Variants in ZFAND3 observed in about 807,000 individuals in gnomAD.
ZFAND3 encodes the protein AN1-type zinc finger protein 3.
A neutral mutation model predicts 29.6 loss-of-function variants in ZFAND3; 10 were observed. That is an observed-to-expected ratio of 0.34 (90% CI 0.21 to 0.57). The LOEUF is 0.57. ZFAND3 is among the 20% of genes least tolerant of loss of function. The pLI is 0.86. For synonymous variants in ZFAND3, 128 were observed against 112.6 expected (o/e 1.14, Z -0.87); for missense variants, 230 against 304.5 (o/e 0.76, Z 1.82).
At chr6:38,012,486 C>A (rs771946637) in intron 2 of ZFAND3, among the ~76,000 whole-genome samples, 3 of 149,466 alleles carry the variant, frequency 2.0e-5, no homozygotes, top group Non-Finnish European at 4.4e-5. Context: ...TCAAGGGATT[C>A]TTCTGCCTCA....
At chr6:38,108,387 C>G (rs762196461) in intron 4 of ZFAND3, among the ~76,000 whole-genome samples, 1 of 152,034 alleles carries the variant, frequency 6.6e-6, no homozygotes, top group African/African-American at 2.4e-5. Flanking sequence ...ATAAGCCTTC[C>G]GTAAGCTGGG....
chr6:38,021,863 C>T (rs1165003389), intron 2 of ZFAND3, among the ~76,000 whole-genome samples: 1 of 152,132 alleles, frequency 6.6e-6, no homozygotes, highest in Non-Finnish European at 1.5e-5. Context: ...GTGGCACCAG[C>T]ACCACTGTGT....
chr6:38,094,859 A>G (rs1346510970), intron 4 of ZFAND3, among the ~76,000 whole-genome samples: 3 of 152,284 alleles, frequency 2.0e-5, no homozygotes, highest in Non-Finnish European at 4.4e-5. Context: ...ATTTTTTAAT[A>G]TTTGCATTAT....
In ZFAND3 at chr6:38,115,169, A is replaced by G. The variant is rs564352040; in HGVS notation, c.362-1403A>G. Among the ~76,000 whole-genome samples the G allele has an allele frequency of 1.3e-4, 20 of 152,340 alleles. No homozygotes were observed. The South Asian group carries it at 1.9e-3, about 14-fold the overall frequency. ...AGGGCTGGGGGACTGTGAGCAAACT[A>G]CCATCATCACCATCAGGGGCCTGGG... On this transcript the variant is annotated intron_variant, in intron 4 of 5. Coordinates refer to ENST00000287218, the MANE Select transcript of ZFAND3 (RefSeq NM_021943.3).
In ZFAND3 at chr6:38,116,842, C is replaced by G. The variant is rs946375879; in HGVS notation, c.529+103C>G. ...AAGTCTTTCGTTCTTCTTCTGAGTACTGTAAGTTTGCTACAGTAGTGCATG... is the reference window on the plus strand; with the variant it reads ...AAGTCTTTCGTTCTTCTTCTGAGTAGTGTAAGTTTGCTACAGTAGTGCATG... On this transcript the variant is annotated intron_variant, in intron 5 of 5. Transcript: ENST00000287218. 7 of 1,447,378 alleles carry G rather than the reference C, an allele frequency of 4.8e-6. No individual in the cohort carries two copies. The East Asian group carries it at 1.4e-4, about 29-fold the overall frequency. The allele number at this position is 1,447,378 out of a possible 1,614,324, so 89.7% of individuals were successfully genotyped here.
chr6:38,055,017 G>A (rs1734110455), intron 2 of ZFAND3, among the ~76,000 whole-genome samples: 1 of 152,220 alleles, frequency 6.6e-6, no homozygotes, highest in Admixed American at 6.5e-5. Context: ...ATGAACGGAA[G>A]CTGTAGCCTA....
chr6:37,955,806 G>C (rs541295854), intron 2 of ZFAND3, among the ~76,000 whole-genome samples: 2 of 152,302 alleles, frequency 1.3e-5, no homozygotes, highest in Admixed American at 1.3e-4. Flanking sequence ...GCAGTAGTAT[G>C]GGAATAGGAG....
At chr6:38,004,828 A>G (rs1345287194) in intron 2 of ZFAND3, among the ~76,000 whole-genome samples, 1 of 152,216 alleles carries the variant, frequency 6.6e-6, no homozygotes, top group Non-Finnish European at 1.5e-5. Flanking sequence ...ATGTCTGGCT[A>G]TAACACAGAT....
At chr6:37,854,719 CTT>C (rs1246024666) in intron 1 of ZFAND3, among the ~76,000 whole-genome samples, 2 of 149,924 alleles carry the variant, frequency 1.3e-5, no homozygotes, top group African/African-American at 2.5e-5. Context: ...AGAACTCTCT[CTT>C]AACTGTATTA....
intron 2 of ZFAND3, among the ~76,000 whole-genome samples, chr6:38,024,988 A>T (rs1763421183): frequency 6.6e-6 from 1 of 152,222 alleles, no homozygotes; most frequent in Admixed American, 6.5e-5. Context: ...GAAAATACAT[A>T]TGTATTGTTC....
intron 2 of ZFAND3, among the ~76,000 whole-genome samples, chr6:38,043,150 G>A (rs140122462): frequency 1.3e-5 from 2 of 152,110 alleles, no homozygotes; most frequent in South Asian, 2.1e-4. Context: ...ACTGTGTGTA[G>A]TGCATGCTGA....
chr6:38,043,791 TGCTC>T (rs1270140319), intron 2 of ZFAND3, among the ~76,000 whole-genome samples: 2 of 149,096 alleles, frequency 1.3e-5, no homozygotes, highest in Admixed American at 6.7e-5. Flanking sequence ...CTTGCTTGCT[TGCTC>T]GCTTGCTTAT....
chr6:37,897,046 TATA>T (rs1303555656), intron 1 of ZFAND3, among the ~76,000 whole-genome samples: 2 of 152,324 alleles, frequency 1.3e-5, no homozygotes, highest in South Asian at 2.1e-4. Context: ...ATGACTTACA[TATA>T]ATAACAAGTA....
chr6:38,152,490 A>G lies in ZFAND3; in HGVS notation c.*101A>G. On this transcript the variant is annotated 3_prime_UTR_variant, in exon 6 of 6. Coordinates refer to ENST00000287218, the MANE Select transcript of ZFAND3 (RefSeq NM_021943.3). Reference sequence around the variant, plus strand: ...ACACCTTGTACTGGGCACGCGTCAGACTGCAGCCAGTCCGTTTCCTTTCTT... The same window carrying G: ...ACACCTTGTACTGGGCACGCGTCAGGCTGCAGCCAGTCCGTTTCCTTTCTT... 7.2e-7 allele frequency: 1 copy of G among 1,389,344 alleles called. No homozygotes were observed. Among genetic ancestry groups the G allele is most frequent in the Non-Finnish European group, 9.3e-7 (1 of 1,070,232 alleles). The allele number at this position is 1,389,344 out of a possible 1,614,324, so 86.1% of individuals were successfully genotyped here. A position where few individuals can be genotyped will look rare whatever the true frequency, so the allele number is the denominator to read the frequency against.
chr6:37,854,800 C>A (rs1764347675), intron 1 of ZFAND3, among the ~76,000 whole-genome samples: 1 of 131,218 alleles, frequency 7.6e-6, no homozygotes, highest in African/African-American at 2.8e-5. Context: ...AGTAGGCTGA[C>A]CTGAAATTGA....
intron 2 of ZFAND3, among the ~76,000 whole-genome samples, chr6:37,976,324 G>C (rs1294932109): frequency 6.6e-6 from 1 of 152,098 alleles, no homozygotes; most frequent in African/African-American, 2.4e-5. Flanking sequence ...GCTCATGCCT[G>C]TATTCCCAGC....
At chr6:37,983,208 A>T (rs76730719) in intron 2 of ZFAND3, among the ~76,000 whole-genome samples, 2 of 152,090 alleles carry the variant, frequency 1.3e-5, no homozygotes, top group South Asian at 4.1e-4. Context: ...TTGGTGTACC[A>T]TGTGTACCGT....
chr6:37,838,979 G>T (rs1274974983), intron 1 of ZFAND3, among the ~76,000 whole-genome samples: 1 of 152,062 alleles, frequency 6.6e-6, no homozygotes, highest in African/African-American at 2.4e-5. Flanking sequence ...GCCAATACTT[G>T]TCATTGCTGC....
chr6:37,912,112 T>A (rs1765534666), intron 1 of ZFAND3, among the ~76,000 whole-genome samples: 1 of 149,232 alleles, frequency 6.7e-6, no homozygotes, highest in Non-Finnish European at 1.5e-5. Context: ...GTGGCAAGTT[T>A]TGTGGCTAAG....
Sources: gnomAD v4.1 joint callset for allele counts (sites outside exome capture counted in the v4.1 genomes callset) on GRCh38, gnomAD v4.1.1 for gene constraint, MANE v1.5 for transcripts, NCBI Gene and HGNC (gene_info 2026-07-23, HGNC 2026-07-21) for gene names.